The following PRKCA variants were observed in gnomAD, a reference collection of about 807,000 sequenced individuals.
The protein encoded by PRKCA is protein kinase C alpha type.
A neutral mutation model predicts 87.0 loss-of-function variants in PRKCA; 27 were observed. The observed-to-expected ratio is 0.31, with a 90% CI of 0.23 to 0.43. PRKCA has a LOEUF of 0.43. Ranked by LOEUF, PRKCA falls within the 20% of genes least tolerant of loss-of-function variation. The pLI is 1.00. For synonymous variants in PRKCA, 329 were observed against 311.1 expected (o/e 1.06, Z -0.61); for missense variants, 518 against 852.3 (o/e 0.61, Z 4.88).
intron 13 of PRKCA, among the ~76,000 whole-genome samples, chr17:66,769,883 A>G (rs1045000580): frequency 3.9e-5 from 6 of 152,262 alleles, no homozygotes; most frequent in African/African-American, 1.4e-4. Flanking sequence ...TTTCCCACTA[A>G]GATAAATGGA....
chr17:66,414,252 G>A (rs1052148085), intron 2 of PRKCA, among the ~76,000 whole-genome samples: 1 of 152,076 alleles, frequency 6.6e-6, no homozygotes, highest in African/African-American at 2.4e-5. Context: ...TTCAGGAATG[G>A]TTTAGCCCCA....
intron 2 of PRKCA, among the ~76,000 whole-genome samples, chr17:66,341,825 T>C (rs1045391175): frequency 1.3e-5 from 2 of 152,236 alleles, no homozygotes; most frequent in African/African-American, 4.8e-5. Context: ...ACTGTAAACA[T>C]TTATATATCC....
At chr17:66,447,918 C>T (rs1191883030) in intron 2 of PRKCA, among the ~76,000 whole-genome samples, 1 of 152,206 alleles carries the variant, frequency 6.6e-6, no homozygotes, top group African/African-American at 2.4e-5. Context: ...TGCCTCCTTT[C>T]CAGAGCATCG....
chr17:66,547,735 T>C (rs1968189493), intron 3 of PRKCA, among the ~76,000 whole-genome samples: 2 of 152,162 alleles, frequency 1.3e-5, no homozygotes, highest in African/African-American at 2.4e-5. Flanking sequence ...CTTAAAAAAA[T>C]AGGATGATTT....
intron 3 of PRKCA, among the ~76,000 whole-genome samples, chr17:66,640,312 A>G (rs962041024): frequency 2.0e-5 from 3 of 152,212 alleles, no homozygotes; most frequent in African/African-American, 7.2e-5. Context: ...GGTCTTCTGT[A>G]TATCATTTTT....
intron 3 of PRKCA, among the ~76,000 whole-genome samples, chr17:66,497,887 C>T (rs1443969208): frequency 2.6e-5 from 4 of 152,238 alleles, no homozygotes; most frequent in African/African-American, 4.8e-5. Flanking sequence ...GTTCAGTGCA[C>T]GGGAACATGC....
At position 66,808,957 on chromosome 17, in the gene PRKCA, C is replaced by T. The variant is rs953534617; in HGVS notation, c.*4920C>T. ...AACCCCTGACCTCATGATCTGCCTG[C>T]CTCGGCCTCCCAAAGTGCTGGGATT... On this transcript the variant is annotated 3_prime_UTR_variant, in exon 17 of 17. Coordinates refer to ENST00000413366, the MANE Select transcript of PRKCA (RefSeq NM_002737.3). 1 of 152,222 alleles carries T rather than the reference C, an allele frequency of 6.6e-6. No homozygotes were observed. The highest frequency in any genetic ancestry group is 1.5e-5 in the Non-Finnish European group (1 of 68,062). The allele number at this position is 152,222 out of a possible 1,614,324, so 9.4% of individuals were successfully genotyped here.
intron 2 of PRKCA, among the ~76,000 whole-genome samples, chr17:66,428,265 G>T (rs1449510213): frequency 6.6e-6 from 1 of 152,100 alleles, no homozygotes; most frequent in African/African-American, 2.4e-5. Flanking sequence ...AGAGAAGGTC[G>T]AATCCATAGG....
At chr17:66,709,604 C>T (rs776163200) in intron 8 of PRKCA, among the ~76,000 whole-genome samples, 5 of 151,948 alleles carry the variant, frequency 3.3e-5, no homozygotes, top group Non-Finnish European at 5.9e-5. Flanking sequence ...CCACCATGCC[C>T]GGCCTCTTCT....
intron 2 of PRKCA, among the ~76,000 whole-genome samples, chr17:66,459,082 AG>A (rs1914713973): frequency 1.3e-5 from 2 of 152,112 alleles, no homozygotes; most frequent in Admixed American, 6.6e-5. Context: ...TAAAAAAAAA[AG>A]GGATAATGAT....
chr17:66,594,073 G>A (rs1409832577), intron 3 of PRKCA, among the ~76,000 whole-genome samples: 1 of 152,170 alleles, frequency 6.6e-6, no homozygotes, highest in Non-Finnish European at 1.5e-5. Context: ...CAACAAGAAT[G>A]AAACTCCGTC....
chr17:66,712,678 GC>G (rs886067150), intron 8 of PRKCA, among the ~76,000 whole-genome samples: 52 of 152,224 alleles, frequency 3.4e-4, no homozygotes, highest in African/African-American at 1.2e-3. Flanking sequence ...TTCCAAGAAG[GC>G]AGCAGGGTGT....
chr17:66,778,063 G>T, intron 14 of PRKCA: 5 of 985,378 alleles, frequency 5.1e-6, no homozygotes, highest in Non-Finnish European at 6.0e-6. Flanking sequence ...TTATTTAAAG[G>T]TTTCCCTACT....
intron 8 of PRKCA, among the ~76,000 whole-genome samples, chr17:66,713,269 C>CT (rs1354464126): frequency 5.3e-5 from 8 of 152,200 alleles, no homozygotes; most frequent in African/African-American, 1.9e-4. Context: ...CCAGGCTGGT[C>CT]TTGAAGTCCT....
chr17:66,730,574 T>C (rs1336488392), intron 8 of PRKCA, among the ~76,000 whole-genome samples: 1 of 152,202 alleles, frequency 6.6e-6, no homozygotes, highest in East Asian at 1.9e-4. Flanking sequence ...TGCCATGACA[T>C]TTGTAAACTG....
At chr17:66,583,726 T>C (rs751909036) in intron 3 of PRKCA, among the ~76,000 whole-genome samples, 13 of 152,210 alleles carry the variant, frequency 8.5e-5, no homozygotes, top group Admixed American at 2.0e-4. Flanking sequence ...GTATTTTTCT[T>C]TTTTTGAAGT....
chr17:66,798,504 TGGTGAC>T (rs1261063307), intron 16 of PRKCA, among the ~76,000 whole-genome samples: 1 of 73,516 alleles, frequency 1.4e-5, no homozygotes, highest in Admixed American at 1.4e-4. Context: ...GTGGTGGTGG[TGGTGAC>T]GGTGGTGACG....
chr17:66,327,494 C>T (rs1906054581), intron 2 of PRKCA, among the ~76,000 whole-genome samples: 1 of 152,026 alleles, frequency 6.6e-6, no homozygotes, highest in Non-Finnish European at 1.5e-5. Context: ...CGAGATCGCG[C>T]CCCTGTACTC....
chr17:66,788,696 A>T, intron 15 of PRKCA, 143 bp from the exon 16 acceptor site: 1 of 944,742 alleles, frequency 1.1e-6, no homozygotes, highest in Non-Finnish European at 1.6e-6. Flanking sequence ...CGTACAAGCC[A>T]CTGAGTGTCT....
Sources: allele counts gnomAD v4.1 joint callset (sites outside exome capture counted in the v4.1 genomes callset), GRCh38; gene constraint gnomAD v4.1.1; transcripts MANE v1.5; gene names NCBI Gene and HGNC (gene_info 2026-07-23, HGNC 2026-07-21).